ATP8A2: variants seen among roughly 807,000 people sequenced by gnomAD.
ATP8A2 encodes phospholipid-transporting ATPase IB.
ATP8A2 carries 100 observed loss-of-function variants against 165.6 expected under a neutral mutation model. The observed-to-expected ratio is 0.60, with a 90% confidence interval of 0.51 to 0.71. ATP8A2 has a LOEUF of 0.71. Among genes scored for constraint, ATP8A2 ranks in the 30% least tolerant of loss-of-function variants. ATP8A2 has a pLI of 0.00. For missense variants in ATP8A2, 1,227 were observed against 1,479.5 expected (o/e 0.83, Z 2.80); for synonymous variants, 543 against 548.8 (o/e 0.99, Z 0.15).
intron 33 of ATP8A2, among the ~76,000 whole-genome samples, chr13:25,948,308 G>A (rs997690819): frequency 6.6e-6 from 1 of 152,024 alleles, no homozygotes; most frequent in Non-Finnish European, 1.5e-5. Flanking sequence ...AATAATTGTG[G>A]TTATAATCGA....
At chr13:26,019,841 C>T (rs753983095) in intron 36 of ATP8A2, 47 bp from the exon 37 acceptor site, 1 of 1,389,404 alleles carries the variant, frequency 7.2e-7, no homozygotes, top group South Asian at 1.2e-5. Context: ...TAGTGTGCTC[C>T]CCCAATTCTC....
At chr13:25,463,183 A>G (rs1566151069) in intron 1 of ATP8A2, among the ~76,000 whole-genome samples, 1 of 147,782 alleles carries the variant, frequency 6.8e-6, no homozygotes, top group Non-Finnish European at 1.5e-5. Flanking sequence ...TAACCTAGAC[A>G]TGTCTCAAGC....
intron 24 of ATP8A2, among the ~76,000 whole-genome samples, chr13:25,672,122 G>A (rs1025922899): frequency 6.6e-6 from 1 of 152,164 alleles, no homozygotes; most frequent in Non-Finnish European, 1.5e-5. Flanking sequence ...AGGTCATAGA[G>A]TCCATCTTGG....
At chr13:25,564,463 A>G (rs2039252929) in intron 16 of ATP8A2, among the ~76,000 whole-genome samples, 1 of 152,232 alleles carries the variant, frequency 6.6e-6, no homozygotes, top group Non-Finnish European at 1.5e-5. Flanking sequence ...GTGCCAGGCA[A>G]CTAACATATA....
chr13:25,724,805 C>T (rs561911953), intron 25 of ATP8A2, among the ~76,000 whole-genome samples: 1 of 152,300 alleles, frequency 6.6e-6, no homozygotes, highest in South Asian at 2.1e-4. Flanking sequence ...TTGACCACAT[C>T]TTGGGCCCAC....
In ATP8A2 at chr13:25,559,781, C is replaced by T. The variant is rs756059511; in HGVS notation, c.1397+16C>T. The T allele has an allele frequency of 2.5e-6, 4 of 1,572,966 alleles. No individual in the cohort carries two copies. In the African/African-American group the frequency reaches 5.4e-5, roughly 21 times the overall value. On this transcript the variant is annotated intron_variant, in intron 15 of 36. Transcript: ENST00000381655. ...ATGACTTCTGGTAAGTAGATTCTAG[C>T]ACTTCTTGACACTTTAGTGGAAAAG...
chr13:25,540,558 C>T (rs1427656640), intron 8 of ATP8A2, among the ~76,000 whole-genome samples, 170 bp downstream of exon 8: 4 of 152,104 alleles, frequency 2.6e-5, no homozygotes, highest in East Asian at 1.9e-4. Context: ...GAATGTGTCT[C>T]GAAAAAGTAG....
At chr13:25,373,791 T>A (rs1202870809) in intron 1 of ATP8A2, among the ~76,000 whole-genome samples, 1 of 152,132 alleles carries the variant, frequency 6.6e-6, no homozygotes, top group Non-Finnish European at 1.5e-5. Context: ...AGATGATTAG[T>A]AGAGAGCTGG....
intron 35 of ATP8A2, among the ~76,000 whole-genome samples, chr13:25,975,192 G>A (rs1003087049): frequency 3.3e-5 from 5 of 152,104 alleles, no homozygotes; most frequent in African/African-American, 4.8e-5. Context: ...AACAAATGCC[G>A]TCCACCTCAG....
At chr13:25,513,383 C>G (rs1370840378) in intron 2 of ATP8A2, among the ~76,000 whole-genome samples, 1 of 151,772 alleles carries the variant, frequency 6.6e-6, no homozygotes, top group Non-Finnish European at 1.5e-5. Context: ...AGACGCTTCT[C>G]ACTTCCTAGA....
chr13:25,516,364 C>T (rs1389107146), intron 2 of ATP8A2, among the ~76,000 whole-genome samples: 3 of 152,182 alleles, frequency 2.0e-5, no homozygotes, highest in Non-Finnish European at 4.4e-5. Flanking sequence ...CTCAGAGTGG[C>T]TGCTGCTCCT....
intron 24 of ATP8A2, among the ~76,000 whole-genome samples, chr13:25,645,294 G>A (rs1464957419): frequency 6.6e-6 from 1 of 152,156 alleles, no homozygotes; most frequent in Non-Finnish European, 1.5e-5. Context: ...CACCAGAATA[G>A]CACAGGAAAG....
intron 2 of ATP8A2, among the ~76,000 whole-genome samples, chr13:25,511,839 C>A (rs1346475178): frequency 4.0e-5 from 6 of 149,174 alleles, no homozygotes; most frequent in Admixed American, 2.0e-4. Flanking sequence ...GTTCTAGCAA[C>A]TTCTTCTGTA....
intron 2 of ATP8A2, among the ~76,000 whole-genome samples, chr13:25,515,656 A>G (rs899687353): frequency 1.3e-5 from 2 of 152,238 alleles, no homozygotes; most frequent in African/African-American, 4.8e-5. Flanking sequence ...ATATTTTTAC[A>G]TTCCTTTCTA....
rs1444191729 is a variant in ATP8A2 at position 25,530,469 on chromosome 13, A to C, written c.322-93A>C. 18 of 735,368 alleles carry C rather than the reference A, an allele frequency of 2.4e-5. 1 individual carries two copies. Among genetic ancestry groups the C allele is most frequent in the Non-Finnish European group, 7.1e-6 (3 of 421,570 alleles). The allele number at this position is 735,368 out of a possible 1,614,324, so 45.6% of individuals were successfully genotyped here. ...GTAACAGAAATGGAACAGAACTGCA[A>C]AAGTGTGAAACGTACGTGACTGCCG... On this transcript the variant is annotated intron_variant, in intron 3 of 36. Coordinates refer to ENST00000381655, the MANE Select transcript of ATP8A2 (RefSeq NM_016529.6).
chr13:25,708,194 T>A (rs2043092140), intron 25 of ATP8A2, among the ~76,000 whole-genome samples: 1 of 152,190 alleles, frequency 6.6e-6, no homozygotes. Context: ...TCTTTCCTAC[T>A]AGAAAAACAA....
At chr13:25,449,311 A>G (rs4769422) in intron 1 of ATP8A2, among the ~76,000 whole-genome samples, 30,836 of 152,194 alleles carry the variant, frequency 0.2, 3,473 homozygotes, top group Middle Eastern at 0.26. Flanking sequence ...TCAGTTTGAA[A>G]TATTTCCTGA....
intron 24 of ATP8A2, among the ~76,000 whole-genome samples, chr13:25,620,509 C>A (rs1200364554): frequency 6.6e-6 from 1 of 152,070 alleles, no homozygotes; most frequent in Non-Finnish European, 1.5e-5. Flanking sequence ...AAGATCTAAG[C>A]TGTTCAAAGT....
chr13:25,437,999 CTTTTAGTCTT>C (rs1273470300), intron 1 of ATP8A2, among the ~76,000 whole-genome samples: 2 of 152,162 alleles, frequency 1.3e-5, no homozygotes, highest in African/African-American at 4.8e-5. Flanking sequence ...AACCCTTTCC[CTTTTAGTCTT>C]TTTCTAATTA....
Sources: allele counts gnomAD v4.1 joint callset (sites outside exome capture counted in the v4.1 genomes callset), GRCh38; gene constraint gnomAD v4.1.1; transcripts MANE v1.5; gene names NCBI Gene and HGNC (gene_info 2026-07-23, HGNC 2026-07-21).